Variants in CDK17 observed in about 807,000 individuals in gnomAD.
The protein encoded by CDK17 is cyclin dependent kinase 17, also known as cyclin-dependent kinase 17.
Under a neutral mutation model 77.6 loss-of-function variants are expected in CDK17, and 24 were observed. The observed-to-expected ratio is 0.31, with a 90% CI of 0.22 to 0.44. The LOEUF is 0.44. Among genes scored for constraint, CDK17 ranks in the 20% least tolerant of loss-of-function variants. CDK17 has a pLI of 1.00. For missense variants in CDK17, 429 were observed against 622.5 expected (o/e 0.69, Z 3.31); for synonymous variants, 203 against 210.4 (o/e 0.96, Z 0.30).
intron 1 of CDK17, among the ~76,000 whole-genome samples, chr12:96,383,835 C>T (rs944749542): frequency 6.6e-6 from 1 of 152,096 alleles, no homozygotes; most frequent in Non-Finnish European, 1.5e-5. Context: ...AAACACTCTT[C>T]CAGACATCAG....
intron 1 of CDK17, among the ~76,000 whole-genome samples, chr12:96,341,834 A>G (rs1953126614): frequency 6.6e-6 from 1 of 152,214 alleles, no homozygotes; most frequent in South Asian, 2.1e-4. Flanking sequence ...TTGCAGTAAG[A>G]AACTCTTTGC....
intron 2 of CDK17, among the ~76,000 whole-genome samples, chr12:96,324,328 T>C (rs931115712): frequency 4.6e-5 from 7 of 152,208 alleles, no homozygotes; most frequent in Non-Finnish European, 8.8e-5. Context: ...CTAATAACCA[T>C]CTATTTCTTA....
intron 5 of CDK17, chr12:96,303,163 G>A (rs567673699): frequency 1.3e-5 from 2 of 152,012 alleles, no homozygotes; most frequent in Admixed American, 1.3e-4. Flanking sequence ...ATTATTCAGA[G>A]GACAGAGGAC....
intron 1 of CDK17, among the ~76,000 whole-genome samples, chr12:96,346,230 A>T (rs753196273): frequency 6.6e-6 from 1 of 152,008 alleles, no homozygotes; most frequent in Non-Finnish European, 1.5e-5. Flanking sequence ...AGGCGGGCAG[A>T]TCACAAGGTC....
chr12:96,377,871 T>C (rs1360728647), intron 1 of CDK17, among the ~76,000 whole-genome samples: 1 of 152,066 alleles, frequency 6.6e-6, no homozygotes, highest in Admixed American at 6.6e-5. Context: ...TTTTTTGTAT[T>C]TTTAGTAGAG....
intron 14 of CDK17, among the ~76,000 whole-genome samples, chr12:96,283,382 C>A (rs1029231560): frequency 2.5e-4 from 38 of 151,400 alleles, no homozygotes; most frequent in African/African-American, 9.2e-4. Context: ...CTGATCAATG[C>A]CAGTAACCAA....
Position 96,400,340 on chromosome 12 carries a change from T to C in CDK17, c.-384A>G, listed in dbSNP as rs1220233163. On this transcript the variant is annotated 5_prime_UTR_variant, in exon 1 of 17. Coordinates refer to ENST00000261211, the MANE Select transcript of CDK17 (RefSeq NM_002595.5). ...TGTCTGGCCGGGCGCTGGCTCCTTC[T>C]CCGCGGCTCTGCGGCGGCCCGCGGG... The C allele has an allele frequency of 2.6e-6, 1 of 387,176 alleles. No homozygotes were observed. The highest frequency in any genetic ancestry group is 2.1e-5 in the African/African-American group (1 of 48,156). The allele number at this position is 387,176 out of a possible 1,614,324, so 24.0% of individuals were successfully genotyped here.
Position 96,323,268 on chromosome 12 carries a change from T to C in CDK17, c.283+680A>G, listed in dbSNP as rs1165601488. ...GGCAACACAGTGAGACCCCGTCTTC[T>C]AAAAAAAAAAAAAAAACAAAAACAA... is the stretch of plus-strand genomic sequence containing the variant. On this transcript the variant is annotated intron_variant, in intron 3 of 16. Transcript: ENST00000261211. Among the ~76,000 whole-genome samples, 10 of 96,814 alleles carry C rather than the reference T, an allele frequency of 1.0e-4. No individual in the cohort carries two copies. In the East Asian group the frequency reaches 4.6e-3, roughly 44 times the overall value. The allele number at this position is 96,814 out of a possible 152,430, so 63.5% of individuals were successfully genotyped here.
Position 96,283,602 on chromosome 12 carries a change from C to G in CDK17, c.1365+1G>C, listed in dbSNP as rs908388663. ...AACAATTACTGTAAGAACTGACTTA[C>G]CTGAAGAAATTTTGTTATCAACTCA... On this transcript the variant is annotated splice_donor_variant, in intron 14 of 16. Transcript: ENST00000261211. LOFTEE classifies it high-confidence loss of function. 1 of 1,589,424 alleles carries G rather than the reference C, an allele frequency of 6.3e-7. No individual in the cohort carries two copies.
intron 13 of CDK17, among the ~76,000 whole-genome samples, chr12:96,284,844 C>T (rs1592703695): frequency 6.6e-6 from 1 of 152,054 alleles, no homozygotes; most frequent in Non-Finnish European, 1.5e-5. Context: ...GGATTACAGG[C>T]GTGAATCACC....
intron 5 of CDK17, among the ~76,000 whole-genome samples, chr12:96,304,655 TTGG>T (rs1353259989): frequency 2.6e-5 from 4 of 152,196 alleles, no homozygotes; most frequent in African/African-American, 9.7e-5. Context: ...TCCCTTAGAC[TTGG>T]TGGGCAGGGG....
In CDK17 at chr12:96,329,890, T is replaced by A. The variant is rs202180681; in HGVS notation, c.118+4829A>T. Among the ~76,000 whole-genome samples, 5 of 152,204 alleles carry A rather than the reference T, an allele frequency of 3.3e-5. No individual in the cohort carries two copies. The East Asian group carries it at 9.6e-4, about 29-fold the overall frequency. On this transcript the variant is annotated intron_variant, in intron 2 of 16. Coordinates refer to ENST00000261211, the MANE Select transcript of CDK17 (RefSeq NM_002595.5). ...AGTGTACAAACGGAGCTGTTAAGAATGAGAATTTGGAATATCAGGAAAACC... is the reference window on the plus strand; with the variant it reads ...AGTGTACAAACGGAGCTGTTAAGAAAGAGAATTTGGAATATCAGGAAAACC...
At chr12:96,294,178 CATAAA>C (rs1382098604) in intron 10 of CDK17, among the ~76,000 whole-genome samples, 3 of 152,078 alleles carry the variant, frequency 2.0e-5, no homozygotes, top group African/African-American at 7.2e-5. Context: ...CATTTTATCA[CATAAA>C]ATATTAAAAA....
intron 1 of CDK17, among the ~76,000 whole-genome samples, chr12:96,366,885 T>C (rs1250905664): frequency 6.6e-6 from 1 of 152,190 alleles, no homozygotes; most frequent in Non-Finnish European, 1.5e-5. Flanking sequence ...ATTTTAATAG[T>C]TATAAAACAC....
intron 11 of CDK17, among the ~76,000 whole-genome samples, chr12:96,288,803 G>C (rs1376482807): frequency 6.6e-6 from 1 of 152,118 alleles, no homozygotes; most frequent in Non-Finnish European, 1.5e-5. Flanking sequence ...TGATAATTTT[G>C]TTTTAAATTA....
intron 6 of CDK17, among the ~76,000 whole-genome samples, chr12:96,300,101 C>A (rs1952475230): frequency 6.6e-6 from 1 of 152,134 alleles, no homozygotes; most frequent in African/African-American, 2.4e-5. Flanking sequence ...AAAAAAAATT[C>A]ATTTCCTCTC....
rs745624608 is a variant in CDK17 at position 96,324,029 on chromosome 12, G to T, written c.202C>A (p.Pro68Thr). The T allele has an allele frequency of 1.9e-6, 3 of 1,612,276 alleles. No homozygotes were observed. The highest frequency in any genetic ancestry group is 8.5e-7 in the Non-Finnish European group (1 of 1,179,064). Residue 68 changes from proline to threonine, a missense_variant, in exon 3 of 17, where the codon CCC becomes ACC. Pro to Thr is a conservative substitution (Grantham distance 38). Around this residue, in one of 4 missense-constraint regions of CDK17, gnomAD observed 262 missense variants for 385.4 expected, o/e 0.68. Coordinates refer to ENST00000261211, the MANE Select transcript of CDK17 (RefSeq NM_002595.5). ...ACACTGTGTGGTCTCCGCAATGGGG[G>T]CTTCTTGAAAGATCCTGTGTACTGG... ...LHQYTGSFKK[P>T]PLRRPHSVIG...
chr12:96,322,478 C>T (rs1184293437), intron 3 of CDK17, among the ~76,000 whole-genome samples: 1 of 150,104 alleles, frequency 6.7e-6, no homozygotes, highest in Non-Finnish European at 1.5e-5. Context: ...ATATTTATTA[C>T]TAACTGCCCC....
At chr12:96,362,969 G>A (rs529008040) in intron 1 of CDK17, among the ~76,000 whole-genome samples, 1 of 152,210 alleles carries the variant, frequency 6.6e-6, no homozygotes, top group East Asian at 1.9e-4. Flanking sequence ...AAGGTACAGT[G>A]ATGAAAGAAG....
Sources: allele counts gnomAD v4.1 joint callset (sites outside exome capture counted in the v4.1 genomes callset), GRCh38; gene constraint gnomAD v4.1.1; regional missense constraint gnomAD v4.1.1; transcripts MANE v1.5; gene names NCBI Gene and HGNC (gene_info 2026-07-23, HGNC 2026-07-21).